Variants in MYO7B observed in about 807,000 individuals in gnomAD.
MYO7B encodes unconventional myosin-VIIb.
In MYO7B, 212 loss-of-function variants were observed where a neutral mutation model predicts 259.7. The ratio of observed to expected loss-of-function variants is 0.82; its 90% confidence interval spans 0.73 to 0.91. MYO7B has a LOEUF of 0.91. MYO7B is among the 40% of genes least tolerant of loss of function. The pLI, the probability that MYO7B is intolerant of heterozygous loss-of-function variation, is 0.00. For missense variants in MYO7B, 2,732 were observed against 2,813.5 expected (o/e 0.97, Z 0.66); for synonymous variants, 1,197 against 1,166.4 (o/e 1.03, Z -0.54).
chr2:127,619,344 G>GC, intron 26 of MYO7B, among the ~76,000 whole-genome samples: 1 of 135,314 alleles, frequency 7.4e-6, no homozygotes. Context: ...GATGGTGGGG[G>GC]CCGGCTGGGT....
At chr2:127,563,081 T>A (rs1428526752) in intron 2 of MYO7B, among the ~76,000 whole-genome samples, 1 of 152,238 alleles carries the variant, frequency 6.6e-6, no homozygotes, top group Non-Finnish European at 1.5e-5. Flanking sequence ...CATTCGGCTC[T>A]GCCAACTCAT....
At chr2:127,580,930 T>A in intron 10 of MYO7B, 108 bp downstream of exon 10, 4 of 1,131,028 alleles carry the variant, frequency 3.5e-6, no homozygotes, top group Non-Finnish European at 5.2e-6. Flanking sequence ...CCCCCACCCC[T>A]TTCCCAGGGC....
chr2:127,636,525 G>A lies in MYO7B; in HGVS notation c.6124-20G>A, dbSNP rs775642737. On this transcript the variant is annotated intron_variant, in intron 45 of 47. Transcript: ENST00000409816. This position sits in a 1 kb window ranked among gnomAD's most constrained non-coding sequence, Gnocchi z 4.5. Reference sequence around the variant, plus strand: ...TGGCCTCCCGGGCTGGACTATGACCGCCGTGTCCCTCCCTCCCAGCAAACC... The same window carrying A: ...TGGCCTCCCGGGCTGGACTATGACCACCGTGTCCCTCCCTCCCAGCAAACC... 22 of 1,601,490 alleles carry A rather than the reference G, an allele frequency of 1.4e-5. No homozygotes were observed. The highest frequency in any genetic ancestry group is 1.6e-4 in the Middle Eastern group (1 of 6,080).
chr2:127,542,418 C>G (rs1454775785), intron 1 of MYO7B, among the ~76,000 whole-genome samples: 2 of 152,204 alleles, frequency 1.3e-5, no homozygotes, highest in Non-Finnish European at 2.9e-5. Context: ...TGTGGGGGCC[C>G]TTTCTGTTGG....
At chr2:127,629,903 A>G (rs1446622833) in intron 35 of MYO7B, 77 bp downstream of exon 35, 2 of 1,418,514 alleles carry the variant, frequency 1.4e-6, no homozygotes, top group Admixed American at 5.6e-5. Context: ...CCTAGTTGGG[A>G]GGCCTAGCTC....
chr2:127,544,736 A>T (rs939388988), intron 1 of MYO7B, among the ~76,000 whole-genome samples: 1 of 152,046 alleles, frequency 6.6e-6, no homozygotes, highest in South Asian at 2.1e-4. Flanking sequence ...GCCTGCTACC[A>T]CGCCCAGCTA....
At position 127,576,645 on chromosome 2, in the gene MYO7B, G is replaced by A. The variant is rs1311171532; in HGVS notation, c.786G>A (p.Val262=). 1 of 1,612,446 alleles carries A rather than the reference G, an allele frequency of 6.2e-7. No individual in the cohort carries two copies. Among genetic ancestry groups the A allele is most frequent in the South Asian group, 1.1e-5 (1 of 90,908 alleles). Residue 262 remains valine, a synonymous_variant, in exon 8 of 48, where the codon GTG becomes GTA. Coordinates refer to ENST00000409816, the MANE Select transcript of MYO7B (RefSeq NM_001393586.1). The surrounding 1 kb of genome is among the most constrained non-coding windows in gnomAD (Gnocchi z 4.9). ...TCTTCTACTGCATGCTCATGGGGGT[G>A]AGTGCTGAGGACAAGCAGCTGCTGA... ...YHIFYCMLMG[V]SAEDKQLLSL...
rs567948678 is a variant in MYO7B at position 127,580,654 on chromosome 2, A to C, written c.1004-92A>C. The C allele has an allele frequency of 5.6e-6, 7 of 1,258,084 alleles. No individual in the cohort carries two copies. The East Asian group carries it at 1.5e-4, about 27-fold the overall frequency. 77.9% of individuals were successfully genotyped at this position (1,258,084 alleles called of 1,614,324 possible). On this transcript the variant is annotated intron_variant, in intron 9 of 47. Transcript: ENST00000409816. The stretch of plus-strand genomic sequence containing the variant: ...CCAGGGCAGCTGTCCTCCTGAGTGG[A>C]TCTGGGGCTGCCAAGGGCCCGGGCC...
In MYO7B at chr2:127,590,360, A is replaced by G; in HGVS notation, c.1992+131A>G. On this transcript the variant is annotated intron_variant, in intron 16 of 47. Coordinates refer to ENST00000409816, the MANE Select transcript of MYO7B (RefSeq NM_001393586.1). The surrounding 1 kb of genome is among the most constrained non-coding windows in gnomAD (Gnocchi z 4.6). ...TGTTACTGCCCCTACCTTACAGATA[A>G]GTACACTGGGGTAAGGTGACCAGAC... The G allele has an allele frequency of 1.5e-6, 2 of 1,312,342 alleles. No individual in the cohort carries two copies. Among genetic ancestry groups the G allele is most frequent in the Non-Finnish European group, 2.1e-6 (2 of 958,436 alleles). The allele number at this position is 1,312,342 out of a possible 1,614,324, so 81.3% of individuals were successfully genotyped here. A position where few individuals can be genotyped will look rare whatever the true frequency, so the allele number is the denominator to read the frequency against.
chr2:127,571,419 T>C (rs1332149128), intron 6 of MYO7B, among the ~76,000 whole-genome samples: 1 of 136,748 alleles, frequency 7.3e-6, no homozygotes, highest in Admixed American at 8.1e-5. Flanking sequence ...TATTCTTTAA[T>C]TGGTCTATTT....
chr2:127,633,282 G>A lies in MYO7B; in HGVS notation c.5430G>A (p.Pro1810=), dbSNP rs569126932. The A allele has an allele frequency of 2.3e-5, 37 of 1,612,166 alleles. No individual in the cohort carries two copies. Among genetic ancestry groups the A allele is most frequent in the Middle Eastern group, 3.3e-4 (2 of 6,060 alleles). Residue 1810 remains proline (P), a synonymous_variant, in exon 40 of 48, where the codon CCG becomes CCA. Transcript: ENST00000409816. The part of the protein sequence containing the change: ...VLRTGPRKQP[P]HQVEVEAAEQ... The stretch of plus-strand genomic sequence containing the variant: ...GGACGGGGCCCCGGAAGCAGCCCCC[G>A]CACCAGGTGGAGGTGGAGGCCGCAG...
At chr2:127,630,663 C>A in intron 35 of MYO7B, 115 bp from the exon 36 acceptor site, 1 of 1,464,530 alleles carries the variant, frequency 6.8e-7, no homozygotes, top group Non-Finnish European at 9.2e-7. Context: ...CTGGCCTGTT[C>A]AGCCCTGGGC....
chr2:127,625,025 C>T (rs1393826502), intron 30 of MYO7B, among the ~76,000 whole-genome samples: 1 of 152,068 alleles, frequency 6.6e-6, no homozygotes, highest in Non-Finnish European at 1.5e-5. Context: ...CCAGCAGAAA[C>T]TCCGCAAGGG....
In MYO7B at chr2:127,592,843, T is replaced by C. The variant is rs1362183269; in HGVS notation, c.2042T>C (p.Met681Thr). 1.2e-6 allele frequency: 2 copies of C among 1,610,506 alleles called. No homozygotes were observed. Among genetic ancestry groups the C allele is most frequent in the Non-Finnish European group, 1.7e-6 (2 of 1,179,116 alleles). ...CLRQLRYSGM[M>T]ETVHIRKSGF... Reference sequence around the variant, plus strand: ...CGGCAGCTGCGATACTCGGGCATGATGGAGACCGTGCACATCCGCAAGTCG... The same window carrying C: ...CGGCAGCTGCGATACTCGGGCATGACGGAGACCGTGCACATCCGCAAGTCG... The change falls in exon 17 of 48, where the codon ATG (methionine) becomes ACG (threonine). Residue 681 changes from methionine (M) to threonine (T), a missense_variant. Physicochemically the swap from Met to Thr is moderately conservative, Grantham distance 81. Transcript: ENST00000409816.
At chr2:127,575,511 G>A (rs567601481) in intron 7 of MYO7B, among the ~76,000 whole-genome samples, 7 of 151,838 alleles carry the variant, frequency 4.6e-5, no homozygotes, top group Non-Finnish European at 2.9e-5. Flanking sequence ...GGATCACCAA[G>A]AGATATGTTT....
Position 127,585,494 on chromosome 2 carries a change from G to T in MYO7B, c.1690+581G>T, listed in dbSNP as rs568486275. 1.1e-4 allele frequency among the ~76,000 whole-genome samples: 16 copies of T among 152,206 alleles called. No homozygotes were observed. In the East Asian group the frequency reaches 1.2e-3, roughly 11 times the overall value. ...TCGTCATCAGTTGGCGGACATTTGG[G>T]TTTTTTCCACTTTTTGCCTATTATG... On this transcript the variant is annotated intron_variant, in intron 14 of 47. Transcript: ENST00000409816. The surrounding 1 kb of genome is among the most constrained non-coding windows in gnomAD (Gnocchi z 4.3).
chr2:127,586,157 T>A lies in MYO7B; in HGVS notation c.1690+1244T>A, dbSNP rs150944706. 3.3e-4 allele frequency among the ~76,000 whole-genome samples: 51 copies of A among 152,358 alleles called. No homozygotes were observed. Among genetic ancestry groups the A allele is most frequent in the Middle Eastern group, 6.8e-3 (2 of 294 alleles). On this transcript the variant is annotated intron_variant, in intron 14 of 47. Transcript: ENST00000409816. The surrounding 1 kb of genome is among the most constrained non-coding windows in gnomAD (Gnocchi z 4.8). ...ACAAAGTCATGAAGATTTATCCCTA[T>A]GTTTTCTTCTAAGATTTTTTTAGTG...
rs1680467892 is a variant in MYO7B at position 127,613,654 on chromosome 2, T to C, written c.3398+1051T>C. Among the ~76,000 whole-genome samples, 1 of 152,246 alleles carries C rather than the reference T, an allele frequency of 6.6e-6. No homozygotes were observed. The highest frequency in any genetic ancestry group is 2.4e-5 in the African/African-American group (1 of 41,454). On this transcript the variant is annotated intron_variant, in intron 26 of 47. Transcript: ENST00000409816. The surrounding 1 kb of genome is among the most constrained non-coding windows in gnomAD (Gnocchi z 4.3). The stretch of plus-strand genomic sequence containing the variant: ...TTTTTTCCTCATAAGTCTAGTACTT[T>C]TGGGTTGTATCCTGGACATTGAGGA...
At chr2:127,545,517 G>A (rs181683273) in intron 1 of MYO7B, among the ~76,000 whole-genome samples, 9 of 152,310 alleles carry the variant, frequency 5.9e-5, no homozygotes, top group African/African-American at 2.2e-4. Flanking sequence ...GAGACAAGTC[G>A]GGGAAAATGA....
Sources: gnomAD v4.1 joint callset for allele counts (sites outside exome capture counted in the v4.1 genomes callset) on GRCh38, gnomAD v4.1.1 for gene constraint, Gnocchi (gnomAD v3.1) non-coding constraint, MANE v1.5 for transcripts, NCBI Gene and HGNC (gene_info 2026-07-23, HGNC 2026-07-21) for gene names.